Variants in CNTNAP2 observed in about 807,000 individuals in gnomAD.
The protein encoded by CNTNAP2 is contactin associated protein 2.
Under a neutral mutation model 155.2 loss-of-function variants are expected in CNTNAP2, and 98 were observed. The observed-to-expected ratio is 0.63, with a 90% CI of 0.54 to 0.75. The LOEUF is 0.75. Ranked by LOEUF, CNTNAP2 falls within the 30% of genes least tolerant of loss-of-function variation. CNTNAP2 has a pLI of 0.00. For synonymous variants in CNTNAP2, 651 were observed against 631.2 expected (o/e 1.03, Z -0.47); for missense variants, 1,727 against 1,688.1 (o/e 1.02, Z -0.40).
At chr7:148,264,678 G>T (rs755230823) in intron 20 of CNTNAP2, among the ~76,000 whole-genome samples, 20 of 152,074 alleles carry the variant, frequency 1.3e-4, no homozygotes, top group Middle Eastern at 3.4e-3. Flanking sequence ...ATAGAACTTT[G>T]TTACAAATTT....
intron 13 of CNTNAP2, among the ~76,000 whole-genome samples, chr7:147,684,158 T>G (rs1346310668): frequency 1.3e-5 from 2 of 151,810 alleles, no homozygotes; most frequent in Non-Finnish European, 2.9e-5. Context: ...TTCAACAAAT[T>G]AGGCTGTTTT....
At chr7:147,274,512 T>G (rs961717995) in intron 8 of CNTNAP2, among the ~76,000 whole-genome samples, 26 of 151,996 alleles carry the variant, frequency 1.7e-4, no homozygotes, top group Admixed American at 2.6e-4. Flanking sequence ...TTTTAATTTT[T>G]TTGTTGTTGT....
In CNTNAP2 at chr7:146,839,702, C is replaced by A. The variant is rs2129200456; in HGVS notation, c.209-9C>A. On this transcript the variant is annotated splice_polypyrimidine_tract_variant and intron_variant, in intron 2 of 23. Coordinates refer to ENST00000361727, the MANE Select transcript of CNTNAP2 (RefSeq NM_014141.6). ...TTCATTTTCCCATCTTACCTCTGCC[C>A]ATCTTCAGGTGCTGGGGGATGGTCT... The A allele has an allele frequency of 6.2e-7, 1 of 1,614,096 alleles. No homozygotes were observed. The highest frequency in any genetic ancestry group is 8.5e-7 in the Non-Finnish European group (1 of 1,179,964).
At chr7:148,360,843 C>T (rs1169739271) in intron 21 of CNTNAP2, among the ~76,000 whole-genome samples, 1 of 135,560 alleles carries the variant, frequency 7.4e-6, no homozygotes, top group Non-Finnish European at 1.6e-5. Flanking sequence ...CAGTTTCTCT[C>T]TTGTTGCCCA....
intron 4 of CNTNAP2, among the ~76,000 whole-genome samples, chr7:147,083,576 GTA>G (rs376711756): frequency 1.2e-3 from 156 of 133,872 alleles, no homozygotes; most frequent in African/African-American, 3.4e-3. Flanking sequence ...ACATATATAT[GTA>G]TATATATATA....
At chr7:147,173,152 C>A (rs1464993943) in intron 8 of CNTNAP2, among the ~76,000 whole-genome samples, 1 of 152,150 alleles carries the variant, frequency 6.6e-6, no homozygotes, top group Admixed American at 6.5e-5. Context: ...TTAAAGTCTG[C>A]ACTTTCTCAC....
At chr7:147,097,906 T>C (rs896157763) in intron 4 of CNTNAP2, among the ~76,000 whole-genome samples, 3 of 152,244 alleles carry the variant, frequency 2.0e-5, no homozygotes, top group Admixed American at 2.0e-4. Context: ...CTTTGTAATA[T>C]TGGATTTATC....
chr7:146,693,027 T>C (rs550609394), intron 1 of CNTNAP2, among the ~76,000 whole-genome samples: 1 of 152,230 alleles, frequency 6.6e-6, no homozygotes, highest in South Asian at 2.1e-4. Flanking sequence ...GAAGTGAGTT[T>C]TAATTCTGAT....
At chr7:146,490,716 T>G (rs1461793362) in intron 1 of CNTNAP2, among the ~76,000 whole-genome samples, 1 of 152,214 alleles carries the variant, frequency 6.6e-6, no homozygotes, top group East Asian at 1.9e-4. Context: ...TAAGTTCATA[T>G]TTTTAGAGTT....
chr7:147,839,955 C>CACACACACACACACAT lies in CNTNAP2; in HGVS notation c.2099-63609_2099-63608insCACACACACACACATA, dbSNP rs771240317. ...ATATATGTATACACACACACACACACATATATATACCATGGAATACTACTC... is the reference window on the plus strand; with the variant it reads ...ATATATGTATACACACACACACACACACACACACACACACATATATATATACCATGGAATACTACTC... On this transcript the variant is annotated intron_variant, in intron 13 of 23. Transcript: ENST00000361727. Among the ~76,000 whole-genome samples the CACACACACACACACAT allele has an allele frequency of 3.1e-3, 471 of 150,886 alleles. 8 individuals are homozygous for CACACACACACACACAT. In the East Asian group the frequency reaches 0.033, roughly 11 times the overall value.
chr7:148,312,310 G>C (rs533590216), intron 21 of CNTNAP2, among the ~76,000 whole-genome samples: 1 of 152,168 alleles, frequency 6.6e-6, no homozygotes, highest in Non-Finnish European at 1.5e-5. Context: ...AGCCAGACAC[G>C]ATCAGCAGGG....
At chr7:148,120,524 C>T (rs950316897) in intron 16 of CNTNAP2, among the ~76,000 whole-genome samples, 1 of 152,094 alleles carries the variant, frequency 6.6e-6, no homozygotes, top group East Asian at 1.9e-4. Flanking sequence ...GCCTTGACCT[C>T]CCAAAGTGCT....
At chr7:147,052,601 T>C (rs1799492949) in intron 4 of CNTNAP2, among the ~76,000 whole-genome samples, 1 of 152,064 alleles carries the variant, frequency 6.6e-6, no homozygotes, top group Admixed American at 6.6e-5. Context: ...AGTGTTTTTT[T>C]CTAATTTAAA....
intron 10 of CNTNAP2, among the ~76,000 whole-genome samples, chr7:147,445,243 A>G (rs973448671): frequency 6.6e-6 from 1 of 152,220 alleles, no homozygotes; most frequent in African/African-American, 2.4e-5. Context: ...ATTTAAAGTT[A>G]TTATAACAGA....
chr7:146,827,574 G>A (rs1335455946), intron 2 of CNTNAP2, among the ~76,000 whole-genome samples: 1 of 151,504 alleles, frequency 6.6e-6, no homozygotes, highest in Non-Finnish European at 1.5e-5. Context: ...CCAGTGAATG[G>A]GCACTTAGCT....
intron 3 of CNTNAP2, among the ~76,000 whole-genome samples, chr7:146,953,964 C>A (rs1483364141): frequency 6.6e-6 from 1 of 151,862 alleles, no homozygotes; most frequent in African/African-American, 2.4e-5. Context: ...TATCTTGTTT[C>A]TAGTTTTTGC....
rs1752527159 is a variant in CNTNAP2 at position 148,366,090 on chromosome 7, ACATGTATGTGTATGCATGTATG to A, written c.3476-17503_3476-17482del. On this transcript the variant is annotated intron_variant, in intron 21 of 23. Transcript: ENST00000361727. ...TATGCATGTATGTGTGTGCATGTAT[ACATGTATGTGTATGCATGTATG>A]CATGTATGTGTATGCATGTATGCAT... Among the ~76,000 whole-genome samples, 13 of 17,974 alleles carry A rather than the reference ACATGTATGTGTATGCATGTATG, an allele frequency of 7.2e-4. 6 individuals carry two copies. The highest frequency in any genetic ancestry group is 1.7e-3 in the African/African-American group (13 of 7,872). The allele number at this position is 17,974 out of a possible 152,430, so 11.8% of individuals were successfully genotyped here. A position where few individuals can be genotyped will look rare whatever the true frequency, so the allele number is the denominator to read the frequency against.
chr7:148,123,182 G>A (rs1014290081), intron 16 of CNTNAP2, among the ~76,000 whole-genome samples: 1 of 152,182 alleles, frequency 6.6e-6, no homozygotes, highest in Non-Finnish European at 1.5e-5. Flanking sequence ...TCATCACTTA[G>A]AGGATCAGGA....
chr7:148,327,679 G>A (rs1797916071), intron 21 of CNTNAP2, among the ~76,000 whole-genome samples: 2 of 152,212 alleles, frequency 1.3e-5, no homozygotes, highest in Non-Finnish European at 2.9e-5. Flanking sequence ...TCCTAGAACC[G>A]TATTATAATA....
Sources: gnomAD v4.1 joint callset for allele counts (sites outside exome capture counted in the v4.1 genomes callset) on GRCh38, gnomAD v4.1.1 for gene constraint, MANE v1.5 for transcripts, NCBI Gene and HGNC (gene_info 2026-07-23, HGNC 2026-07-21) for gene names.